ZNF385D: variants seen among roughly 807,000 people sequenced by gnomAD.
ZNF385D encodes the protein zinc finger protein 659.
Under a neutral mutation model 35.8 loss-of-function variants are expected in ZNF385D, and 15 were observed. That is an observed-to-expected ratio of 0.42 (90% CI 0.28 to 0.64). The LOEUF (loss-of-function observed/expected upper bound fraction) is 0.64. Among genes scored for constraint, ZNF385D ranks in the 30% least tolerant of loss-of-function variants. ZNF385D has a pLI of 0.23. For synonymous variants in ZNF385D, 212 were observed against 186.8 expected (o/e 1.13, Z -1.10); for missense variants, 474 against 494.6 (o/e 0.96, Z 0.39).
intron 3 of ZNF385D, among the ~76,000 whole-genome samples, chr3:21,974,294 A>C (rs929192676): frequency 2.0e-5 from 3 of 151,990 alleles, no homozygotes; most frequent in Non-Finnish European, 4.4e-5. Flanking sequence ...ACTTATTTTC[A>C]ACAAAGGTAC....
At chr3:21,774,787 A>G (rs1416041326) in intron 3 of ZNF385D, among the ~76,000 whole-genome samples, 1 of 151,884 alleles carries the variant, frequency 6.6e-6, no homozygotes, top group Non-Finnish European at 1.5e-5. Context: ...GTACTTAGAG[A>G]ACTTTAAAGA....
chr3:21,755,233 T>C (rs1028013545), upstream of ZNF385D, among the ~76,000 whole-genome samples: 1 of 152,198 alleles, frequency 6.6e-6, no homozygotes, highest in African/African-American at 2.4e-5. Flanking sequence ...TATCCAGTGT[T>C]CCTGATTTCA....
At chr3:21,904,196 C>G (rs971618557) in intron 3 of ZNF385D, among the ~76,000 whole-genome samples, 21 of 149,934 alleles carry the variant, frequency 1.4e-4, no homozygotes, top group African/African-American at 5.2e-4. Context: ...CCCAGCTACT[C>G]TGGAGGCTGA....
intron 2 of ZNF385D, among the ~76,000 whole-genome samples, chr3:21,609,480 A>G (rs547145431): frequency 4.1e-4 from 63 of 152,344 alleles, no homozygotes; most frequent in African/African-American, 1.5e-3. Flanking sequence ...AAATATTTAA[A>G]TTCCAGGCAC....
intron 2 of ZNF385D, among the ~76,000 whole-genome samples, chr3:21,570,865 C>T (rs527845530): frequency 3.9e-5 from 6 of 152,174 alleles, no homozygotes; most frequent in South Asian, 2.1e-4. Context: ...GAGTGGAGAT[C>T]CTGGTGTATT....
intron 2 of ZNF385D, among the ~76,000 whole-genome samples, chr3:21,629,150 G>A (rs2065213603): frequency 6.6e-6 from 1 of 152,068 alleles, no homozygotes; most frequent in Admixed American, 6.6e-5. Context: ...GGATAAGTGG[G>A]TCTGACATTT....
At chr3:22,086,039 G>A (rs951451428) in intron 3 of ZNF385D, among the ~76,000 whole-genome samples, 1 of 152,158 alleles carries the variant, frequency 6.6e-6, no homozygotes, top group Non-Finnish European at 1.5e-5. Context: ...ATTAGGTGTT[G>A]ATGGCACATA....
intron 3 of ZNF385D, among the ~76,000 whole-genome samples, chr3:22,058,117 A>ATGC (rs1699504394): frequency 6.6e-6 from 1 of 152,256 alleles, no homozygotes; most frequent in Non-Finnish European, 1.5e-5. Flanking sequence ...AAGGAATTTC[A>ATGC]TGCTGGTCCA....
intron 3 of ZNF385D, among the ~76,000 whole-genome samples, chr3:22,104,876 G>A (rs1473019264): frequency 1.3e-5 from 2 of 152,088 alleles, no homozygotes; most frequent in Admixed American, 6.6e-5. Flanking sequence ...ATTTTCTCCA[G>A]GGAATACAGT....
intron 2 of ZNF385D, among the ~76,000 whole-genome samples, chr3:22,347,957 A>T (rs1322921622): frequency 6.6e-6 from 1 of 152,132 alleles, no homozygotes; most frequent in Non-Finnish European, 1.5e-5. Flanking sequence ...TTCTTGTTTC[A>T]CCTGAAATAT....
At chr3:21,826,754 C>G (rs913947899) in intron 3 of ZNF385D, among the ~76,000 whole-genome samples, 2 of 150,560 alleles carry the variant, frequency 1.3e-5, no homozygotes, top group African/African-American at 4.9e-5. Context: ...AGAAGGAAAG[C>G]TAGAGAATTC....
intron 3 of ZNF385D, among the ~76,000 whole-genome samples, chr3:21,773,764 A>G (rs1314262948): frequency 3.1e-5 from 3 of 98,186 alleles, no homozygotes; most frequent in Non-Finnish European, 7.8e-5. Context: ...AAAAAGTCAA[A>G]AAAAAAACAA....
chr3:21,944,742 GA>G (rs35000541), intron 3 of ZNF385D, among the ~76,000 whole-genome samples: 3 of 151,696 alleles, frequency 2.0e-5, no homozygotes, highest in African/African-American at 7.3e-5. Context: ...TGAGAGAGGA[GA>G]AAAAAATTTG....
chr3:22,004,512 A>C (rs776140972), intron 3 of ZNF385D, among the ~76,000 whole-genome samples: 3 of 152,228 alleles, frequency 2.0e-5, no homozygotes, highest in Non-Finnish European at 2.9e-5. Context: ...GAATAGGAGA[A>C]AGTGTTTGCA....
At chr3:21,710,363 G>T (rs761910900) in intron 1 of ZNF385D, among the ~76,000 whole-genome samples, 1 of 152,136 alleles carries the variant, frequency 6.6e-6, no homozygotes, top group Non-Finnish European at 1.5e-5. Context: ...TGGTGAGACT[G>T]GGGTAGGGTG....
chr3:21,462,680 A>ATTGTGT, intron 4 of ZNF385D, among the ~76,000 whole-genome samples: 1 of 152,208 alleles, frequency 6.6e-6, no homozygotes, highest in African/African-American at 2.4e-5. Flanking sequence ...AGTAAGCAAA[A>ATTGTGT]AAGCTGAAGA....
rs570492285 is a variant in ZNF385D at position 22,295,769 on chromosome 3, T to A, written c.106+76681A>T. Among the ~76,000 whole-genome samples the A allele has an allele frequency of 5.8e-4, 89 of 152,200 alleles. 2 individuals carry two copies. The highest frequency in any genetic ancestry group is 2.1e-3 in the African/African-American group (86 of 41,550). ...AATTTAATATTTTTTAATCTAATAT[T>A]TTCCTTCACCTTCTCAGTAACAACT... On this transcript the variant is annotated intron_variant, in intron 2 of 5. Coordinates refer to the ZNF385D transcript ENST00000494108.
intron 3 of ZNF385D, among the ~76,000 whole-genome samples, chr3:22,147,999 T>C (rs7639978): frequency 0.12 from 18,048 of 152,216 alleles, 1,596 homozygotes; most frequent in East Asian, 0.45. Context: ...AATACTTCAT[T>C]TCTGGGATAA....
At chr3:22,048,697 C>G (rs1382485338) in intron 3 of ZNF385D, among the ~76,000 whole-genome samples, 1 of 152,036 alleles carries the variant, frequency 6.6e-6, no homozygotes, top group Non-Finnish European at 1.5e-5. Context: ...TGGCTTTGTT[C>G]TTTTTGCTCA....
Sources: allele counts gnomAD v4.1 joint callset (sites outside exome capture counted in the v4.1 genomes callset), GRCh38; gene constraint gnomAD v4.1.1; transcripts MANE v1.5; gene names NCBI Gene and HGNC (gene_info 2026-07-23, HGNC 2026-07-21).